TRAPPC9: variants seen among roughly 807,000 people sequenced by gnomAD.
TRAPPC9 encodes IKK2 binding protein.
A neutral mutation model predicts 124.0 loss-of-function variants in TRAPPC9; 83 were observed. The observed-to-expected ratio is 0.67, with a 90% confidence interval of 0.56 to 0.80. The LOEUF is 0.80. Among genes scored for constraint, TRAPPC9 ranks in the 30% least tolerant of loss-of-function variants. The pLI is 0.00. For synonymous variants in TRAPPC9, 638 were observed against 617.5 expected, an observed-to-expected ratio of 1.03 and a Z score of -0.49; for missense variants, 1,302 against 1,508.3, an observed-to-expected ratio of 0.86 and a Z score of 2.27.
intron 17 of TRAPPC9, among the ~76,000 whole-genome samples, chr8:140,149,711 G>A (rs2061514497): frequency 1.3e-5 from 2 of 152,108 alleles, no homozygotes; most frequent in South Asian, 2.1e-4. Flanking sequence ...TCTACCACAT[G>A]GGGCTGCTGT....
chr8:139,889,438 T>C (rs1830202166), intron 20 of TRAPPC9, among the ~76,000 whole-genome samples: 1 of 152,182 alleles, frequency 6.6e-6, no homozygotes, highest in East Asian at 1.9e-4. Flanking sequence ...AACTAGGTGC[T>C]TGCTGGGTTA....
chr8:139,992,814 C>T lies in TRAPPC9; in HGVS notation c.2700-3978G>A, dbSNP rs550870870. Reference sequence around the variant, plus strand: ...TATTGGTGGCATTGATTAATTAGGACAAGAGTCACTGAATAGTGCTGGGAA... The same window carrying T: ...TATTGGTGGCATTGATTAATTAGGATAAGAGTCACTGAATAGTGCTGGGAA... On this transcript the variant is annotated intron_variant, in intron 18 of 22. Coordinates refer to ENST00000438773, the MANE Select transcript of TRAPPC9 (RefSeq NM_001160372.4). 5.3e-5 allele frequency among the ~76,000 whole-genome samples: 8 copies of T among 151,954 alleles called. No homozygotes were observed. The East Asian group carries it at 1.6e-3, about 30-fold the overall frequency.
At chr8:140,175,577 T>C (rs2062051636) in intron 17 of TRAPPC9, among the ~76,000 whole-genome samples, 1 of 152,206 alleles carries the variant, frequency 6.6e-6, no homozygotes, top group Non-Finnish European at 1.5e-5. Context: ...AGACCAATTC[T>C]AAAAACAGAA....
chr8:139,866,310 A>T (rs1323101890), intron 21 of TRAPPC9, among the ~76,000 whole-genome samples: 1 of 152,202 alleles, frequency 6.6e-6, no homozygotes, highest in Non-Finnish European at 1.5e-5. Flanking sequence ...TTCAATTTTA[A>T]GAGCCCTGGC....
At chr8:140,263,732 T>G (rs561624824) in intron 15 of TRAPPC9, among the ~76,000 whole-genome samples, 1 of 152,316 alleles carries the variant, frequency 6.6e-6, no homozygotes, top group East Asian at 1.9e-4. Flanking sequence ...AGCCAGTAGG[T>G]GGCAAAGCCA....
chr8:139,903,001 T>C (rs1831116984), intron 20 of TRAPPC9, among the ~76,000 whole-genome samples: 1 of 152,202 alleles, frequency 6.6e-6, no homozygotes. Flanking sequence ...GTGGAGCCTC[T>C]TCACTTTGCA....
chr8:140,191,694 C>A (rs2062495468), intron 17 of TRAPPC9, among the ~76,000 whole-genome samples: 1 of 152,194 alleles, frequency 6.6e-6, no homozygotes, highest in Non-Finnish European at 1.5e-5. Flanking sequence ...AACCTCTTTT[C>A]TTTACAAACT....
chr8:139,910,401 T>A, intron 19 of TRAPPC9, 101 bp from the exon 20 acceptor site: 1 of 1,168,880 alleles, frequency 8.6e-7, no homozygotes, highest in Non-Finnish European at 1.3e-6. Context: ...CTATAATGAA[T>A]CATTATCGTT....
intron 21 of TRAPPC9, among the ~76,000 whole-genome samples, chr8:139,743,428 C>G (rs1470335326): frequency 6.6e-6 from 1 of 152,242 alleles, no homozygotes; most frequent in Non-Finnish European, 1.5e-5. Context: ...AAATACATGA[C>G]TTGAAGACCA....
At chr8:140,118,758 T>C (rs2060934197) in intron 17 of TRAPPC9, among the ~76,000 whole-genome samples, 1 of 151,806 alleles carries the variant, frequency 6.6e-6, no homozygotes, top group Non-Finnish European at 1.5e-5. Context: ...GAGGAGCCAG[T>C]GAGTAGAAAA....
At chr8:139,832,658 TC>T (rs1826067594) in intron 21 of TRAPPC9, among the ~76,000 whole-genome samples, 1 of 152,102 alleles carries the variant, frequency 6.6e-6, no homozygotes. Flanking sequence ...ACAGAGGCCT[TC>T]CCTCTGCTTG....
chr8:139,730,794 G>A lies in TRAPPC9; in HGVS notation c.*267C>T, dbSNP rs552555971. 5.3e-5 allele frequency: 27 copies of A among 510,724 alleles called. No homozygotes were observed. The highest frequency in any genetic ancestry group is 3.6e-4 in the South Asian group (15 of 41,988). 31.6% of individuals were successfully genotyped at this position (510,724 alleles called of 1,614,324 possible). A position where few individuals can be genotyped will look rare whatever the true frequency, so the allele number is the denominator to read the frequency against. On this transcript the variant is annotated 3_prime_UTR_variant, in exon 23 of 23. Coordinates refer to ENST00000438773, the MANE Select transcript of TRAPPC9 (RefSeq NM_001160372.4). ...TGGGACCTGGGCTGGATGGGCACCC[G>A]CTTTGGGATTTCCTCTGCTTCAGCC... is the stretch of plus-strand genomic sequence containing the variant.
intron 19 of TRAPPC9, among the ~76,000 whole-genome samples, chr8:139,980,129 C>A (rs982304420): frequency 1.3e-5 from 2 of 152,156 alleles, no homozygotes; most frequent in Non-Finnish European, 2.9e-5. Flanking sequence ...CATGCCCCCC[C>A]AGACTTCTCT....
intron 18 of TRAPPC9, among the ~76,000 whole-genome samples, chr8:140,019,535 T>C (rs1839692661): frequency 6.9e-6 from 1 of 145,504 alleles, no homozygotes; most frequent in East Asian, 2.0e-4. Flanking sequence ...ATTTTAGTAA[T>C]TTGTGTCTTT....
chr8:140,202,951 A>T (rs2062828318), intron 17 of TRAPPC9, among the ~76,000 whole-genome samples: 1 of 152,280 alleles, frequency 6.6e-6, no homozygotes, highest in South Asian at 2.1e-4. Flanking sequence ...TCCAAAAGGT[A>T]AGACATTCTA....
In TRAPPC9 at chr8:140,231,481, C is replaced by CTTTTTTT. The variant is rs71320347; in HGVS notation, c.2432-9905_2432-9899dup. 1.4e-3 allele frequency among the ~76,000 whole-genome samples: 80 copies of CTTTTTTT among 56,994 alleles called. 8 individuals are homozygous for CTTTTTTT. The highest frequency in any genetic ancestry group is 3.8e-3 in the African/African-American group (52 of 13,766). 37.4% of individuals were successfully genotyped at this position (56,994 alleles called of 152,430 possible). On this transcript the variant is annotated intron_variant, in intron 16 of 22. Coordinates refer to ENST00000438773, the MANE Select transcript of TRAPPC9 (RefSeq NM_001160372.4). ...AACTGCTAGTAAATCACTGCCTTTT[C>CTTTTTTT]TTTTTTTTTTTTTTTTTTTTTTTTT...
intron 18 of TRAPPC9, among the ~76,000 whole-genome samples, chr8:139,989,163 C>A (rs376913521): frequency 5.3e-5 from 8 of 152,192 alleles, no homozygotes; most frequent in African/African-American, 1.9e-4. Flanking sequence ...TATACACTGA[C>A]GACTGGAACA....
At chr8:139,969,944 A>T (rs906325667) in intron 19 of TRAPPC9, among the ~76,000 whole-genome samples, 1 of 152,216 alleles carries the variant, frequency 6.6e-6, no homozygotes, top group Admixed American at 6.5e-5. Flanking sequence ...GCTCTATGAC[A>T]CTGTCTTGTT....
chr8:140,352,436 T>C (rs147094615), intron 9 of TRAPPC9, among the ~76,000 whole-genome samples: 170 of 152,348 alleles, frequency 1.1e-3, no homozygotes, highest in South Asian at 5.0e-3. Flanking sequence ...CAGATTCGTG[T>C]TGGATACCAT....
Sources: gnomAD v4.1 joint callset for allele counts (sites outside exome capture counted in the v4.1 genomes callset) on GRCh38, gnomAD v4.1.1 for gene constraint, MANE v1.5 for transcripts, NCBI Gene and HGNC (gene_info 2026-07-23, HGNC 2026-07-21) for gene names.